Variants in AGPAT4 observed in about 807,000 individuals in gnomAD.
The protein encoded by AGPAT4 is 1-acyl-sn-glycerol-3-phosphate acyltransferase delta.
Under a neutral mutation model 48.0 loss-of-function variants are expected in AGPAT4, and 15 were observed. The observed-to-expected ratio is 0.31, with a 90% CI of 0.21 to 0.48. The LOEUF (loss-of-function observed/expected upper bound fraction) is 0.48, where lower values mean the gene tolerates loss of function less well. AGPAT4 is among the 20% of genes least tolerant of loss of function. AGPAT4 has a pLI of 0.99. For missense variants in AGPAT4, 314 were observed against 482.5 expected (o/e 0.65, Z 3.27); for synonymous variants, 178 against 198.7 (o/e 0.90, Z 0.88).
intron 3 of AGPAT4, among the ~76,000 whole-genome samples, chr6:161,162,438 T>C (rs1339345417): frequency 6.6e-6 from 1 of 152,208 alleles, no homozygotes; most frequent in Non-Finnish European, 1.5e-5. Context: ...AGGGGTGCAG[T>C]TGCCATATTC....
chr6:161,200,223 A>G lies in AGPAT4; in HGVS notation c.178+31813T>C, dbSNP rs1278982978. ...AAATGTCAAATTGTACATCACTTCT[A>G]TGAGAAAATCACAGCAGAATAATGC... On this transcript the variant is annotated intron_variant, in intron 2 of 8. Coordinates refer to ENST00000320285, the MANE Select transcript of AGPAT4 (RefSeq NM_020133.3). The surrounding 1 kb of genome is among the most constrained non-coding windows in gnomAD (Gnocchi z 5.5). 2.6e-5 allele frequency among the ~76,000 whole-genome samples: 4 copies of G among 152,248 alleles called. No individual in the cohort carries two copies. The highest frequency in any genetic ancestry group is 5.9e-5 in the Non-Finnish European group (4 of 68,032).
intron 1 of AGPAT4, among the ~76,000 whole-genome samples, chr6:161,241,773 C>T (rs978291398): frequency 1.3e-5 from 2 of 152,208 alleles, no homozygotes; most frequent in East Asian, 1.9e-4. Context: ...CCCTCTGTTG[C>T]CCAGGCTGGA....
In AGPAT4 at chr6:161,177,874, G is replaced by A. The variant is rs1037533146; in HGVS notation, c.179-11457C>T. ...TTTGTTAGTTTTCCTTCTAACAGTC[G>A]GAACCCTCAGCTGCAGGTCTGTTGG... On this transcript the variant is annotated intron_variant, in intron 2 of 8. Coordinates refer to ENST00000320285, the MANE Select transcript of AGPAT4 (RefSeq NM_020133.3). This position sits in a 1 kb window ranked among gnomAD's most constrained non-coding sequence, Gnocchi z 5.0. Among the ~76,000 whole-genome samples the A allele has an allele frequency of 7.9e-5, 12 of 152,140 alleles. No individual in the cohort carries two copies. The highest frequency in any genetic ancestry group is 1.0e-4 in the Non-Finnish European group (7 of 68,032).
chr6:161,221,702 G>A lies in AGPAT4; in HGVS notation c.178+10334C>T, dbSNP rs1781839573. Among the ~76,000 whole-genome samples the A allele has an allele frequency of 6.6e-6, 1 of 152,140 alleles. No individual in the cohort carries two copies. Among genetic ancestry groups the A allele is most frequent in the Admixed American group, 6.5e-5 (1 of 15,284 alleles). Reference sequence around the variant, plus strand: ...GAACCTCAGATCGGGGTGTTAGCAGGGTTGGTTCCTTCTGAGCATGTGAGG... The same window carrying A: ...GAACCTCAGATCGGGGTGTTAGCAGAGTTGGTTCCTTCTGAGCATGTGAGG... On this transcript the variant is annotated intron_variant, in intron 2 of 8. Coordinates refer to ENST00000320285, the MANE Select transcript of AGPAT4 (RefSeq NM_020133.3). The surrounding 1 kb of genome is among the most constrained non-coding windows in gnomAD (Gnocchi z 4.5).
At chr6:161,167,027 C>G (rs7748827) in intron 2 of AGPAT4, among the ~76,000 whole-genome samples, 22,969 of 152,158 alleles carry the variant, frequency 0.15, 2,422 homozygotes, top group African/African-American at 0.3. Flanking sequence ...TTCAGGCAAT[C>G]ATGACCACTT....
At position 161,219,824 on chromosome 6, in the gene AGPAT4, GAGAT is replaced by G. The variant is rs55973440; in HGVS notation, c.178+12208_178+12211del. On this transcript the variant is annotated intron_variant, in intron 2 of 8. Transcript: ENST00000320285. This position sits in a 1 kb window ranked among gnomAD's most constrained non-coding sequence, Gnocchi z 4.9. ...AGATTCACAGTAAAAAAGATAGACAGAGATAGATAGATAGATAGATAGATAGATA... is the reference window on the plus strand; with the variant it reads ...AGATTCACAGTAAAAAAGATAGACAGAGATAGATAGATAGATAGATAGATA... Among the ~76,000 whole-genome samples, 1,447 of 89,334 alleles carry G rather than the reference GAGAT, an allele frequency of 0.016. 23 individuals are homozygous for G. Among genetic ancestry groups the G allele is most frequent in the African/African-American group, 0.027 (630 of 23,564 alleles). 58.6% of individuals were successfully genotyped at this position (89,334 alleles called of 152,430 possible). A position where few individuals can be genotyped will look rare whatever the true frequency, so the allele number is the denominator to read the frequency against.
Position 161,159,763 on chromosome 6 carries a change from C to T in AGPAT4, c.349-5453G>A, listed in dbSNP as rs1156783398. Among the ~76,000 whole-genome samples, 1 of 151,762 alleles carries T rather than the reference C, an allele frequency of 6.6e-6. No individual in the cohort carries two copies. The highest frequency in any genetic ancestry group is 1.5e-5 in the Non-Finnish European group (1 of 67,982). ...GGTTCAAGCGATTCTCCTGCCTCAG[C>T]CTCCGGAGTAGCTGGGATTACAGGC... On this transcript the variant is annotated intron_variant, in intron 3 of 8. Coordinates refer to ENST00000320285, the MANE Select transcript of AGPAT4 (RefSeq NM_020133.3). This position sits in a 1 kb window ranked among gnomAD's most constrained non-coding sequence, Gnocchi z 4.1.
At position 161,231,601 on chromosome 6, in the gene AGPAT4, AACAATAT is replaced by A. The variant is rs1274763508; in HGVS notation, c.178+428_178+434del. Among the ~76,000 whole-genome samples the A allele has an allele frequency of 6.6e-6, 1 of 152,204 alleles. No homozygotes were observed. Among genetic ancestry groups the A allele is most frequent in the Non-Finnish European group, 1.5e-5 (1 of 68,040 alleles). On this transcript the variant is annotated intron_variant, in intron 2 of 8. Transcript: ENST00000320285. This position sits in a 1 kb window ranked among gnomAD's most constrained non-coding sequence, Gnocchi z 5.3. ...GCTGAAGAAAAAAGGCAAGGAAGAA[AACAATAT>A]AGTATACTGCCACTTAGTTTTTTAA...
intron 5 of AGPAT4, among the ~76,000 whole-genome samples, chr6:161,152,653 C>G (rs1016315502): frequency 1.3e-5 from 2 of 152,126 alleles, no homozygotes; most frequent in African/African-American, 2.4e-5. Flanking sequence ...AGCATGGGGC[C>G]GGGAGCCGCA....
In AGPAT4 at chr6:161,246,205, G is replaced by T. The variant is rs1216334294; in HGVS notation, c.-89-13903C>A. On this transcript the variant is annotated intron_variant, in intron 1 of 8. Transcript: ENST00000320285. This position sits in a 1 kb window ranked among gnomAD's most constrained non-coding sequence, Gnocchi z 5.5. ...CAAAAGATGCTTGGAGAAGTGATGA[G>T]GTTCTTTCCAACTTTTAAGCAGAAT... Among the ~76,000 whole-genome samples the T allele has an allele frequency of 6.6e-6, 1 of 152,112 alleles. No individual in the cohort carries two copies. Among genetic ancestry groups the T allele is most frequent in the Non-Finnish European group, 1.5e-5 (1 of 68,024 alleles).
chr6:161,212,016 C>A lies in AGPAT4; in HGVS notation c.178+20020G>T, dbSNP rs1368500089. Among the ~76,000 whole-genome samples, 1 of 152,282 alleles carries A rather than the reference C, an allele frequency of 6.6e-6. No individual in the cohort carries two copies. Among genetic ancestry groups the A allele is most frequent in the Non-Finnish European group, 1.5e-5 (1 of 68,018 alleles). ...TTGAAAGATAAAATAAGTTCAGTTT[C>A]TCTATAAATTAATCATTAATGTTGA... On this transcript the variant is annotated intron_variant, in intron 2 of 8. Coordinates refer to ENST00000320285, the MANE Select transcript of AGPAT4 (RefSeq NM_020133.3). The surrounding 1 kb of genome is among the most constrained non-coding windows in gnomAD (Gnocchi z 6.1).
At position 161,219,966 on chromosome 6, in the gene AGPAT4, A is replaced by G. The variant is rs147026440; in HGVS notation, c.178+12070T>C. Among the ~76,000 whole-genome samples, 3,239 of 150,630 alleles carry G rather than the reference A, an allele frequency of 0.022. 102 individuals carry two copies. The highest frequency in any genetic ancestry group is 0.067 in the African/African-American group (2,710 of 40,660). On this transcript the variant is annotated intron_variant, in intron 2 of 8. Transcript: ENST00000320285. This position sits in a 1 kb window ranked among gnomAD's most constrained non-coding sequence, Gnocchi z 4.9. Reference sequence around the variant, plus strand: ...GGCAGGCAGACAGACAGACAGACAGACAGGCAGGCAGATAGATACATTTAA... The same window carrying G: ...GGCAGGCAGACAGACAGACAGACAGGCAGGCAGGCAGATAGATACATTTAA...
At chr6:161,170,498 CACACACACAT>C (rs1237310562) in intron 2 of AGPAT4, among the ~76,000 whole-genome samples, 4 of 151,486 alleles carry the variant, frequency 2.6e-5, no homozygotes, top group African/African-American at 9.8e-5. Context: ...CACACACACA[CACACACACAT>C]ACACATATAC....
chr6:161,240,168 A>G lies in AGPAT4; in HGVS notation c.-89-7866T>C, dbSNP rs1021471223. 6.6e-6 allele frequency among the ~76,000 whole-genome samples: 1 copy of G among 151,824 alleles called. No individual in the cohort carries two copies. The highest frequency in any genetic ancestry group is 2.4e-5 in the African/African-American group (1 of 41,332). On this transcript the variant is annotated intron_variant, in intron 1 of 8. Transcript: ENST00000320285. The surrounding 1 kb of genome is among the most constrained non-coding windows in gnomAD (Gnocchi z 5.5). ...AAATAATCACAACTCTAAAAAAAAA[A>G]CCGGAAGAAAAGAAAGCCTTACCAA...
In AGPAT4 at chr6:161,133,137, A is replaced by G. The variant is rs1346652413; in HGVS notation, c.*3403T>C. ...GATACCTTGCTTCACACTTTGGTCAATATTTATGAATAAGTTCTAAAGCCT... is the reference window on the plus strand; with the variant it reads ...GATACCTTGCTTCACACTTTGGTCAGTATTTATGAATAAGTTCTAAAGCCT... On this transcript the variant is annotated 3_prime_UTR_variant, in exon 9 of 9. Transcript: ENST00000320285. 2 of 152,194 alleles carry G rather than the reference A, an allele frequency of 1.3e-5. No individual in the cohort carries two copies. The highest frequency in any genetic ancestry group is 2.9e-5 in the Non-Finnish European group (2 of 68,042). The allele number at this position is 152,194 out of a possible 1,614,324, so 9.4% of individuals were successfully genotyped here. A position where few individuals can be genotyped will look rare whatever the true frequency, so the allele number is the denominator to read the frequency against.
intron 1 of AGPAT4, among the ~76,000 whole-genome samples, chr6:161,260,943 CAGGG>C (rs1783083711): frequency 6.6e-6 from 1 of 152,156 alleles, no homozygotes; most frequent in African/African-American, 2.4e-5. Context: ...TTTCACCAGG[CAGGG>C]CCATGAGGAG....
chr6:161,176,166 G>A (rs370149974), intron 2 of AGPAT4, among the ~76,000 whole-genome samples: 95 of 152,328 alleles, frequency 6.2e-4, no homozygotes, highest in African/African-American at 2.0e-3. Context: ...TTGGTGCAGA[G>A]CTGAGTTCAA....
chr6:161,268,465 C>T (rs1001059220), intron 1 of AGPAT4, among the ~76,000 whole-genome samples: 5 of 152,198 alleles, frequency 3.3e-5, no homozygotes, highest in African/African-American at 1.2e-4. Flanking sequence ...CCCCTCACCC[C>T]ACTCTCCAAC....
Position 161,262,384 on chromosome 6 carries a change from C to A in AGPAT4, c.-90+11554G>T, listed in dbSNP as rs879484100. Reference sequence around the variant, plus strand: ...CATGGTGGCCAGCTGCCGCGTCTGTCCCTGCCACACAGGGGCTACTTCCCA... The same window carrying A: ...CATGGTGGCCAGCTGCCGCGTCTGTACCTGCCACACAGGGGCTACTTCCCA... On this transcript the variant is annotated intron_variant, in intron 1 of 8. Transcript: ENST00000320285. The surrounding 1 kb of genome is among the most constrained non-coding windows in gnomAD (Gnocchi z 4.9). Among the ~76,000 whole-genome samples the A allele has an allele frequency of 3.3e-5, 5 of 152,226 alleles. No individual in the cohort carries two copies. Among genetic ancestry groups the A allele is most frequent in the Non-Finnish European group, 7.3e-5 (5 of 68,042 alleles).
Sources: gnomAD v4.1 joint callset for allele counts (sites outside exome capture counted in the v4.1 genomes callset) on GRCh38, gnomAD v4.1.1 for gene constraint, Gnocchi (gnomAD v3.1) non-coding constraint, MANE v1.5 for transcripts, NCBI Gene and HGNC (gene_info 2026-07-23, HGNC 2026-07-21) for gene names.